Variants in NHLRC3 observed in about 807,000 individuals in gnomAD.
NHLRC3 encodes the protein NHL repeat containing 3.
NHLRC3 carries 23 observed loss-of-function variants against 32.0 expected under a neutral mutation model. That is an observed-to-expected ratio of 0.72 (90% CI 0.52 to 1.02). The LOEUF is 1.02. Among genes scored for constraint, NHLRC3 ranks in the 50% least tolerant of loss-of-function variants. The probability of loss-of-function intolerance (pLI) is 0.00; values close to 1 mark genes in which losing one functional copy is unlikely to be tolerated. For synonymous variants in NHLRC3, 159 were observed against 147.9 expected (o/e 1.08, Z -0.55); for missense variants, 407 against 406.8 (o/e 1.00, Z -0.01).
chr13:39,047,260 TA>T (rs1871718940), intron 6 of NHLRC3, 108 bp downstream of exon 6: 1 of 651,290 alleles, frequency 1.5e-6, no homozygotes, highest in East Asian at 2.8e-5. Flanking sequence ...AATTTTGAAT[TA>T]GGGGAAAATA....
At chr13:39,040,200 A>G (rs905518327) in intron 3 of NHLRC3, 5 of 151,834 alleles carry the variant, frequency 3.3e-5, no homozygotes, top group African/African-American at 1.2e-4. Context: ...AAAAAAAAAA[A>G]AAAAGAAAGA....
Position 39,044,146 on chromosome 13 carries a change from A to G in NHLRC3, c.643A>G (p.Ile215Val), listed in dbSNP as rs1231695314. 6.2e-7 allele frequency: 1 copy of G among 1,613,786 alleles called. No homozygotes were observed. The highest frequency in any genetic ancestry group is 1.1e-5 in the South Asian group (1 of 91,074). Residue 215 changes from isoleucine to valine, a missense_variant, in exon 5 of 7, where the codon ATA becomes GTA. Ile to Val is a conservative substitution (Grantham distance 29). Coordinates refer to ENST00000379600, the MANE Select transcript of NHLRC3 (RefSeq NM_001012754.4). ...TGGGACAGGGCCTGCTAAGTTCAACATACCTCACAGTGTTACACTTGATTC... is the reference window on the plus strand; with the variant it reads ...TGGGACAGGGCCTGCTAAGTTCAACGTACCTCACAGTGTTACACTTGATTC... ...ENGTGPAKFN[I>V]PHSVTLDSAG... is the part of the protein sequence containing the mutation.
chr13:39,042,164 G>A lies in NHLRC3; in HGVS notation c.445G>A (p.Gly149Ser), dbSNP rs1871490329. 6.2e-7 allele frequency: 1 copy of A among 1,612,212 alleles called. No individual in the cohort carries two copies. Among genetic ancestry groups the A allele is most frequent in the African/African-American group, 1.3e-5 (1 of 74,820 alleles). Residue 149 changes from glycine (G) to serine (S), a missense_variant, in exon 4 of 7, where the codon GGT becomes AGT. Coordinates refer to ENST00000379600, the MANE Select transcript of NHLRC3 (RefSeq NM_001012754.4). ...SSFGDLVQVLGTPGKKGTSLN... is the reference protein window; with the variant it reads ...SSFGDLVQVLSTPGKKGTSLN... ...TTTTGGTGATCTTGTTCAAGTCTTG[G>A]GTACTCCAGGCAAAAAAGGCACTAG...
rs573840930 is a variant in NHLRC3 at position 39,038,629 on chromosome 13, C to A, written c.-11C>A. On this transcript the variant is annotated 5_prime_UTR_variant, in exon 1 of 7. Transcript: ENST00000379600. ...CTGCGGACCCTCCCTCTCCTGGCTTCCCGTCTGGTCATGGCGAGATTCTGG... is the reference window on the plus strand; with the variant it reads ...CTGCGGACCCTCCCTCTCCTGGCTTACCGTCTGGTCATGGCGAGATTCTGG... 2.4e-5 allele frequency: 39 copies of A among 1,613,844 alleles called. No homozygotes were observed. The African/African-American group carries it at 4.7e-4, about 19-fold the overall frequency.
chr13:39,048,687 G>A lies in NHLRC3; in HGVS notation c.*761G>A, dbSNP rs939689796. 5.3e-5 allele frequency: 8 copies of A among 152,090 alleles called. No individual in the cohort carries two copies. The highest frequency in any genetic ancestry group is 1.0e-4 in the Non-Finnish European group (7 of 68,006). 9.4% of individuals were successfully genotyped at this position (152,090 alleles called of 1,614,324 possible). On this transcript the variant is annotated 3_prime_UTR_variant, in exon 7 of 7. Coordinates refer to ENST00000379600, the MANE Select transcript of NHLRC3 (RefSeq NM_001012754.4). ...ACTGTAAACTTTGATAGGCTTTTAG[G>A]CCTTTTTTAAAGCCCAACTTGGCTT...
At chr13:39,040,187 CA>C (rs769068943) in intron 3 of NHLRC3, 1,492 of 91,166 alleles carry the variant, frequency 0.016, 26 homozygotes, top group Admixed American at 0.072. Flanking sequence ...CACTCTGTCT[CA>C]AAAAAAAAAA....
In NHLRC3 at chr13:39,048,222, A is replaced by G. The variant is rs1033641707; in HGVS notation, c.*296A>G. 1.5e-5 allele frequency: 3 copies of G among 200,780 alleles called. No individual in the cohort carries two copies. Among genetic ancestry groups the G allele is most frequent in the African/African-American group, 4.6e-5 (2 of 43,354 alleles). 12.4% of individuals were successfully genotyped at this position (200,780 alleles called of 1,614,324 possible). ...CCTGGTAGACTGATTCTCCCTGGGTAAAAAAAATGGGAATAAAAATGAGCT... is the reference window on the plus strand; with the variant it reads ...CCTGGTAGACTGATTCTCCCTGGGTGAAAAAAATGGGAATAAAAATGAGCT... On this transcript the variant is annotated 3_prime_UTR_variant, in exon 7 of 7. Transcript: ENST00000379600.
rs1390642714 is a variant in NHLRC3 at position 39,049,649 on chromosome 13, T to TA, written c.*1723_*1724insA. The TA allele has an allele frequency of 6.6e-6, 1 of 152,260 alleles. No homozygotes were observed. Among genetic ancestry groups the TA allele is most frequent in the Non-Finnish European group, 1.5e-5 (1 of 68,044 alleles). The allele number at this position is 152,260 out of a possible 1,614,324, so 9.4% of individuals were successfully genotyped here. A position where few individuals can be genotyped will look rare whatever the true frequency, so the allele number is the denominator to read the frequency against. On this transcript the variant is annotated 3_prime_UTR_variant, in exon 7 of 7. Coordinates refer to ENST00000379600, the MANE Select transcript of NHLRC3 (RefSeq NM_001012754.4). Reference sequence around the variant, plus strand: ...CTCATAGACTTTATGCAGATTAATATGGTCAATTGATTTGGATAAAAGAAA... The same window carrying TA: ...CTCATAGACTTTATGCAGATTAATATAGGTCAATTGATTTGGATAAAAGAAA...
Position 39,047,995 on chromosome 13 carries a change from G to T in NHLRC3, c.*69G>T. ...AATTCACTAAGTGCTTAAAAATGATGTTCAAGCACAAGAATTTATTTTTCT... is the reference window on the plus strand; with the variant it reads ...AATTCACTAAGTGCTTAAAAATGATTTTCAAGCACAAGAATTTATTTTTCT... On this transcript the variant is annotated 3_prime_UTR_variant, in exon 7 of 7. Transcript: ENST00000379600. 1 of 1,240,500 alleles carries T rather than the reference G, an allele frequency of 8.1e-7. No homozygotes were observed. Among genetic ancestry groups the T allele is most frequent in the Non-Finnish European group, 1.1e-6 (1 of 884,022 alleles). 76.8% of individuals were successfully genotyped at this position (1,240,500 alleles called of 1,614,324 possible).
At chr13:39,044,229 TTGTGTGTGTGTGTGTGTG>T (rs370553701) in intron 5 of NHLRC3, 48 bp downstream of exon 5, 9 of 859,156 alleles carry the variant, frequency 1.0e-5, no homozygotes, top group East Asian at 2.7e-5. Flanking sequence ...CTGAATATGT[TTGTGTGTGTGTGTGTGTG>T]TGTGTGTGTG....
At chr13:39,046,144 C>G (rs1039037715) in intron 5 of NHLRC3, among the ~76,000 whole-genome samples, 1 of 152,050 alleles carries the variant, frequency 6.6e-6, no homozygotes, top group African/African-American at 2.4e-5. Flanking sequence ...GGTGAAACCC[C>G]ATCTCTACTA....
At chr13:39,039,866 C>A (rs542650243) in intron 3 of NHLRC3, 155 bp downstream of exon 3, 1 of 596,600 alleles carries the variant, frequency 1.7e-6, no homozygotes, top group Non-Finnish European at 2.8e-6. Flanking sequence ...TTATTTTGTA[C>A]TTCTGTGGAA....
intron 6 of NHLRC3, among the ~76,000 whole-genome samples, 183 bp downstream of exon 6, chr13:39,047,335 T>G (rs188524239): frequency 6.6e-6 from 1 of 152,170 alleles, no homozygotes; most frequent in Non-Finnish European, 1.5e-5. Flanking sequence ...AAACAAGAAA[T>G]AACATATGCT....
At chr13:39,044,048 A>G (rs1296917651) in intron 4 of NHLRC3, 42 bp from the exon 5 acceptor site, 2 of 1,332,742 alleles carry the variant, frequency 1.5e-6, no homozygotes, top group Admixed American at 3.4e-5. Flanking sequence ...TGCATGAGAC[A>G]TTCTATATGT....
chr13:39,043,994 G>A lies in NHLRC3; in HGVS notation c.587-96G>A, dbSNP rs568134893. ...AAGCATAGTCAAGTGAACCAGCGGT[G>A]TAATTAAATAGTTCTTTGTAACCTG... is the stretch of plus-strand genomic sequence containing the variant. On this transcript the variant is annotated intron_variant, in intron 4 of 6. Coordinates refer to ENST00000379600, the MANE Select transcript of NHLRC3 (RefSeq NM_001012754.4). The A allele has an allele frequency of 6.8e-5, 58 of 848,512 alleles. No homozygotes were observed. The African/African-American group carries it at 8.3e-4, about 12-fold the overall frequency. The allele number at this position is 848,512 out of a possible 1,614,324, so 52.6% of individuals were successfully genotyped here.
chr13:39,042,403 G>A, intron 4 of NHLRC3, 98 bp downstream of exon 4: 1 of 728,098 alleles, frequency 1.4e-6, no homozygotes, highest in Non-Finnish European at 2.2e-6. Context: ...ATGAAGCGGT[G>A]TGTAAAGAGC....
chr13:39,046,998 C>CCCATGAGAAGA (rs1566034644), intron 5 of NHLRC3, 42 bp from the exon 6 acceptor site: 3 of 1,182,362 alleles, frequency 2.5e-6, no homozygotes. Context: ...CTTTTTTCTT[C>CCCATGAGAAGA]TCATGGATAT....
At position 39,048,376 on chromosome 13, in the gene NHLRC3, G is replaced by C. The variant is rs1423378833; in HGVS notation, c.*450G>C. 6.5e-6 allele frequency: 1 copy of C among 154,128 alleles called. No individual in the cohort carries two copies. The highest frequency in any genetic ancestry group is 2.4e-5 in the African/African-American group (1 of 41,454). The allele number at this position is 154,128 out of a possible 1,614,324, so 9.5% of individuals were successfully genotyped here. On this transcript the variant is annotated 3_prime_UTR_variant, in exon 7 of 7. Coordinates refer to ENST00000379600, the MANE Select transcript of NHLRC3 (RefSeq NM_001012754.4). ...TGATTAATTTGAGTACCCACAGAGT[G>C]CTGTGTCTTGACGACTTAAAAATGA... is the stretch of plus-strand genomic sequence containing the variant.
chr13:39,043,975 A>T, intron 4 of NHLRC3, 115 bp from the exon 5 acceptor site: 1 of 757,512 alleles, frequency 1.3e-6, no homozygotes, highest in Non-Finnish European at 2.3e-6. Context: ...GAGAAAGCAT[A>T]GTCAAGTGAA....
Sources: allele counts gnomAD v4.1 joint callset (sites outside exome capture counted in the v4.1 genomes callset), GRCh38; gene constraint gnomAD v4.1.1; transcripts MANE v1.5; gene names NCBI Gene and HGNC (gene_info 2026-07-23, HGNC 2026-07-21).